The following LRFN5 variants were observed in gnomAD, a reference collection of about 807,000 sequenced individuals.
The protein encoded by LRFN5 is leucine-rich repeat and fibronectin type-III domain-containing protein 5.
In LRFN5, 24 loss-of-function variants were observed where a neutral mutation model predicts 45.6. That is an observed-to-expected ratio of 0.53 (90% CI 0.38 to 0.74). The LOEUF (loss-of-function observed/expected upper bound fraction) is 0.74, where lower values mean the gene tolerates loss of function less well. LRFN5 is among the 30% of genes least tolerant of loss of function. The pLI, the probability that LRFN5 is intolerant of heterozygous loss-of-function variation, is 0.00. For synonymous variants in LRFN5, 340 were observed against 313.8 expected, an observed-to-expected ratio of 1.08 and a Z score of -0.88; for missense variants, 776 against 861.5, an observed-to-expected ratio of 0.90 and a Z score of 1.24.
chr14:41,648,334 A>T (rs1302107120), intron 1 of LRFN5, among the ~76,000 whole-genome samples: 1 of 152,142 alleles, frequency 6.6e-6, no homozygotes, highest in Non-Finnish European at 1.5e-5. Flanking sequence ...CTTCCAAATC[A>T]ATAAATGTTT....
intron 2 of LRFN5, among the ~76,000 whole-genome samples, chr14:41,835,611 A>C (rs1012359536): frequency 2.0e-5 from 3 of 152,184 alleles, no homozygotes; most frequent in African/African-American, 7.2e-5. Context: ...CCACAGTACC[A>C]GCTACCTGGG....
chr14:41,860,021 C>A (rs2139095290), intron 2 of LRFN5, among the ~76,000 whole-genome samples: 1 of 152,246 alleles, frequency 6.6e-6, no homozygotes, highest in African/African-American at 2.4e-5. Flanking sequence ...CATTCCTGTG[C>A]TTAACTTTTT....
intron 2 of LRFN5, among the ~76,000 whole-genome samples, chr14:41,878,251 T>C (rs1228561076): frequency 6.6e-6 from 1 of 152,112 alleles, no homozygotes. Flanking sequence ...CAACAGACAT[T>C]AACATTTGTC....
At chr14:41,671,536 A>T (rs1881211859) in intron 1 of LRFN5, among the ~76,000 whole-genome samples, 1 of 148,770 alleles carries the variant, frequency 6.7e-6, no homozygotes. Flanking sequence ...TTAAAATATT[A>T]CTTCGTGGTA....
At chr14:41,734,515 T>C (rs928991706) in intron 1 of LRFN5, among the ~76,000 whole-genome samples, 1 of 151,040 alleles carries the variant, frequency 6.6e-6, no homozygotes, top group African/African-American at 2.4e-5. Flanking sequence ...GGAATACCTT[T>C]TTTCCATTCT....
At chr14:41,788,314 C>T (rs1886800536) in intron 2 of LRFN5, among the ~76,000 whole-genome samples, 1 of 152,084 alleles carries the variant, frequency 6.6e-6, no homozygotes, top group Non-Finnish European at 1.5e-5. Flanking sequence ...TCTGCCACTT[C>T]AATTATATGT....
intron 1 of LRFN5, among the ~76,000 whole-genome samples, chr14:41,657,587 T>A (rs1420597956): frequency 6.6e-6 from 1 of 151,992 alleles, no homozygotes; most frequent in Non-Finnish European, 1.5e-5. Flanking sequence ...TTTTAAAACC[T>A]TTTGATTTTA....
rs182229806 is a variant in LRFN5 at position 41,688,495 on chromosome 14, A to T, written c.-196-78359A>T. 4.7e-3 allele frequency among the ~76,000 whole-genome samples: 720 copies of T among 152,150 alleles called. 8 individuals carry two copies. The highest frequency in any genetic ancestry group is 0.014 in the Middle Eastern group (4 of 294). On this transcript the variant is annotated intron_variant, in intron 1 of 5. Transcript: ENST00000298119. The stretch of plus-strand genomic sequence containing the variant: ...AAAATAAATTAGTAAATTTAAAAGG[A>T]TTGAAGTTCTACAAAATATCTTTCC...
chr14:41,844,175 C>T (rs1360054678), intron 2 of LRFN5, among the ~76,000 whole-genome samples: 7 of 152,148 alleles, frequency 4.6e-5, no homozygotes, highest in Non-Finnish European at 1.0e-4. Context: ...CAGTGGCTCA[C>T]GCCTGTAATC....
In LRFN5 at chr14:41,773,499, G is replaced by T. The variant is rs539578870; in HGVS notation, c.-21+6470G>T. Among the ~76,000 whole-genome samples, 125 of 152,116 alleles carry T rather than the reference G, an allele frequency of 8.2e-4. 2 individuals carry two copies. Among genetic ancestry groups the T allele is most frequent in the South Asian group, 2.7e-3 (13 of 4,812 alleles). On this transcript the variant is annotated intron_variant, in intron 2 of 5. Transcript: ENST00000298119. The stretch of plus-strand genomic sequence containing the variant: ...CATCAATTTTGCTCAACATTAAAAT[G>T]CCTTTTTTATTATATTGTATATAAT...
At chr14:41,796,744 C>G (rs1247584966) in intron 2 of LRFN5, among the ~76,000 whole-genome samples, 2 of 151,848 alleles carry the variant, frequency 1.3e-5, no homozygotes, top group Non-Finnish European at 2.9e-5. Context: ...AACAACCTCA[C>G]AAGCATGGCA....
At chr14:41,774,144 C>G (rs1886193283) in intron 2 of LRFN5, among the ~76,000 whole-genome samples, 1 of 152,118 alleles carries the variant, frequency 6.6e-6, no homozygotes, top group Non-Finnish European at 1.5e-5. Flanking sequence ...CTCTTGGCAA[C>G]CAACATTAGA....
chr14:41,753,122 T>C lies in LRFN5; in HGVS notation c.-196-13732T>C, dbSNP rs1211131955. Among the ~76,000 whole-genome samples, 6 of 152,232 alleles carry C rather than the reference T, an allele frequency of 3.9e-5. No individual in the cohort carries two copies. The East Asian group carries it at 1.2e-3, about 29-fold the overall frequency. The stretch of plus-strand genomic sequence containing the variant: ...AGGGCTCTGTTCTGTTCCATTGGTC[T>C]ATATTTCTGTTTTGGTACCAGTACC... On this transcript the variant is annotated intron_variant, in intron 1 of 5. Transcript: ENST00000298119.
intron 2 of LRFN5, among the ~76,000 whole-genome samples, chr14:41,885,269 G>A (rs903128355): frequency 4.6e-5 from 7 of 150,560 alleles, no homozygotes; most frequent in Non-Finnish European, 8.8e-5. Context: ...AGACTGCAGT[G>A]AGCCATGATC....
chr14:41,791,134 C>A (rs1210373645), intron 2 of LRFN5, among the ~76,000 whole-genome samples: 1 of 151,624 alleles, frequency 6.6e-6, no homozygotes. Flanking sequence ...TAACCCAGAT[C>A]ATCTGTATAT....
intron 1 of LRFN5, 26 bp downstream of exon 1, chr14:41,608,588 C>T (rs752702636): frequency 6.5e-6 from 1 of 152,696 alleles, no homozygotes; most frequent in Admixed American, 6.5e-5. Context: ...TTACTCGCCT[C>T]ACCCAATTTC....
At chr14:41,820,756 A>T (rs1888085699) in intron 2 of LRFN5, among the ~76,000 whole-genome samples, 1 of 151,874 alleles carries the variant, frequency 6.6e-6, no homozygotes, top group African/African-American at 2.4e-5. Context: ...ATGATCATGG[A>T]ATGCTTTTTG....
rs1008334194 is a variant in LRFN5, at chr14:41,607,091, A to G, written c.-1668A>G. Among the ~76,000 whole-genome samples, 1 of 152,082 alleles carries G rather than the reference A, an allele frequency of 6.6e-6. No homozygotes were observed. Among genetic ancestry groups the G allele is most frequent in the African/African-American group, 2.4e-5 (1 of 41,440 alleles). On this transcript the variant is annotated 5_prime_UTR_variant, in exon 1 of 6. Transcript: ENST00000298119. ...CGGGGCGCTGTGTTCCGCGGCGCGC[A>G]GGGAGGCGGTGAGCGTGTGCAGAGC...
intron 2 of LRFN5, among the ~76,000 whole-genome samples, chr14:41,841,557 T>C (rs575984739): frequency 3.0e-4 from 46 of 152,124 alleles, no homozygotes; most frequent in African/African-American, 1.1e-3. Flanking sequence ...TTATTATTTT[T>C]ATATTTATGT....
Sources: gnomAD v4.1 joint callset for allele counts (sites outside exome capture counted in the v4.1 genomes callset) on GRCh38, gnomAD v4.1.1 for gene constraint, MANE v1.5 for transcripts, NCBI Gene and HGNC (gene_info 2026-07-23, HGNC 2026-07-21) for gene names.